Variants in CACNA2D3 observed in about 807,000 individuals in gnomAD.
The protein encoded by CACNA2D3 is voltage-dependent calcium channel subunit alpha-2/delta-3.
A neutral mutation model predicts 160.6 loss-of-function variants in CACNA2D3; 60 were observed. The observed-to-expected ratio is 0.37, with a 90% CI of 0.30 to 0.46. CACNA2D3 has a LOEUF of 0.46. Among genes scored for constraint, CACNA2D3 ranks in the 20% least tolerant of loss-of-function variants. The probability of loss-of-function intolerance (pLI) is 1.00; values close to 1 mark genes in which losing one functional copy is unlikely to be tolerated. For missense variants in CACNA2D3, 1,205 were observed against 1,365.0 expected (o/e 0.88, Z 1.85); for synonymous variants, 558 against 492.9 (o/e 1.13, Z -1.75).
rs565032704 is a variant in CACNA2D3, at chr3:54,799,857, G to A, written c.1381-16996G>A. Among the ~76,000 whole-genome samples, 39 of 152,234 alleles carry A rather than the reference G, an allele frequency of 2.6e-4. No individual in the cohort carries two copies. The East Asian group carries it at 5.8e-3, about 23-fold the overall frequency. On this transcript the variant is annotated intron_variant, in intron 13 of 37. Transcript: ENST00000474759. Reference sequence around the variant, plus strand: ...GAGCCAGGTTGACAGGAGGCTGAAAGGAAGTATCAGTACCTTCCTCTACTG... The same window carrying A: ...GAGCCAGGTTGACAGGAGGCTGAAAAGAAGTATCAGTACCTTCCTCTACTG...
At chr3:54,528,961 A>G (rs1406610088) in intron 5 of CACNA2D3, among the ~76,000 whole-genome samples, 2 of 152,206 alleles carry the variant, frequency 1.3e-5, no homozygotes, top group Non-Finnish European at 2.9e-5. Context: ...TGTGTCAGGG[A>G]GAGCAGGCCT....
intron 4 of CACNA2D3, among the ~76,000 whole-genome samples, chr3:54,483,870 T>A (rs1176045126): frequency 6.6e-6 from 1 of 152,258 alleles, no homozygotes; most frequent in Non-Finnish European, 1.5e-5. Context: ...AGACAATGTA[T>A]GATATAGGTA....
intron 3 of CACNA2D3, among the ~76,000 whole-genome samples, chr3:54,334,602 C>G (rs1704334127): frequency 6.6e-6 from 1 of 152,130 alleles, no homozygotes; most frequent in African/African-American, 2.4e-5. Context: ...GGGATTGTGA[C>G]TCTCTGGATA....
Position 54,871,553 on chromosome 3 carries a change from A to G in CACNA2D3, c.1641A>G (p.Lys547=). Residue 547 remains lysine (K), a synonymous_variant, in exon 18 of 38, where the codon AAA becomes AAG. Coordinates refer to ENST00000474759, the MANE Select transcript of CACNA2D3 (RefSeq NM_018398.3). ...CCCCTTGCTAGTACGAAGAAGGAAA[A>G]AAGCGAAGGAAACCTAACTATAGTA... ...PELRLLYEEG[K]KRRKPNYSSV... 6.2e-7 allele frequency: 1 copy of G among 1,613,348 alleles called. No homozygotes were observed. Among genetic ancestry groups the G allele is most frequent in the Non-Finnish European group, 8.5e-7 (1 of 1,179,364 alleles).
intron 5 of CACNA2D3, among the ~76,000 whole-genome samples, chr3:54,539,867 T>G (rs530955362): frequency 6.6e-5 from 10 of 152,250 alleles, no homozygotes; most frequent in African/African-American, 2.2e-4. Flanking sequence ...CCGGGTATTT[T>G]AGGACCAGTT....
intron 2 of CACNA2D3, among the ~76,000 whole-genome samples, chr3:54,252,386 G>A (rs1038993686): frequency 1.2e-4 from 19 of 152,176 alleles, no homozygotes; most frequent in African/African-American, 4.1e-4. Flanking sequence ...GATCAGTTGT[G>A]TCTCATTTCT....
At chr3:54,277,822 TC>T (rs993453180) in intron 2 of CACNA2D3, among the ~76,000 whole-genome samples, 1 of 152,184 alleles carries the variant, frequency 6.6e-6, no homozygotes, top group Non-Finnish European at 1.5e-5. Flanking sequence ...GGTTTGTAAT[TC>T]TCCTTGAAGA....
intron 27 of CACNA2D3, among the ~76,000 whole-genome samples, chr3:54,901,975 A>G (rs1456300434): frequency 6.6e-6 from 1 of 152,192 alleles, no homozygotes; most frequent in African/African-American, 2.4e-5. Flanking sequence ...AATTAAGTAG[A>G]CACTGTTTAC....
intron 13 of CACNA2D3, among the ~76,000 whole-genome samples, chr3:54,810,908 C>T (rs1274811541): frequency 6.6e-6 from 1 of 152,084 alleles, no homozygotes; most frequent in Non-Finnish European, 1.5e-5. Context: ...TTTGAAATAC[C>T]TTTATCAGGG....
chr3:54,385,003 G>A (rs1245705584), intron 3 of CACNA2D3, among the ~76,000 whole-genome samples: 1 of 152,154 alleles, frequency 6.6e-6, no homozygotes, highest in Non-Finnish European at 1.5e-5. Flanking sequence ...TTACTAGTGT[G>A]AACCCACCAT....
chr3:54,793,027 T>C (rs1276600254), intron 13 of CACNA2D3, among the ~76,000 whole-genome samples: 1 of 152,220 alleles, frequency 6.6e-6, no homozygotes, highest in Non-Finnish European at 1.5e-5. Flanking sequence ...ACTTTTCTTC[T>C]ACATCCATGG....
In CACNA2D3 at chr3:54,123,546, G is replaced by A; in HGVS notation, c.156G>A (p.Glu52=). Residue 52 remains glutamate (E), a synonymous_variant, in exon 2 of 38, where the codon GAG becomes GAA. Transcript: ENST00000474759. ...VKLWASAFGG[E]IKSIAAKYSG... ...TCTGGGCCTCGGCTTTTGGTGGGGA[G>A]ATAAAATCCATTGCTGCTAAGTACT... 1 of 1,613,880 alleles carries A rather than the reference G, an allele frequency of 6.2e-7. No individual in the cohort carries two copies. The highest frequency in any genetic ancestry group is 1.1e-5 in the South Asian group (1 of 91,072).
At chr3:54,467,944 A>G (rs1213739144) in intron 4 of CACNA2D3, among the ~76,000 whole-genome samples, 2 of 152,222 alleles carry the variant, frequency 1.3e-5, no homozygotes, top group African/African-American at 4.8e-5. Context: ...TGATTTTGTC[A>G]TTACACAGTG....
At chr3:54,644,280 A>G (rs528714862) in intron 11 of CACNA2D3, among the ~76,000 whole-genome samples, 143 of 152,238 alleles carry the variant, frequency 9.4e-4, no homozygotes, top group Middle Eastern at 3.4e-3. Flanking sequence ...AAGCAGTTTC[A>G]TCTACTTATC....
At chr3:54,346,255 C>G (rs1698456646) in intron 3 of CACNA2D3, among the ~76,000 whole-genome samples, 2 of 152,150 alleles carry the variant, frequency 1.3e-5, no homozygotes, top group African/African-American at 2.4e-5. Flanking sequence ...TCAGAGCAAC[C>G]TGGCCCACTG....
chr3:54,896,231 G>A (rs964081993), intron 25 of CACNA2D3, among the ~76,000 whole-genome samples: 24 of 152,174 alleles, frequency 1.6e-4, no homozygotes, highest in Admixed American at 9.2e-4. Context: ...TTTGTCCAGC[G>A]AGGAGGCAGG....
intron 4 of CACNA2D3, among the ~76,000 whole-genome samples, chr3:54,433,022 A>AT (rs1386937052): frequency 6.6e-6 from 1 of 152,234 alleles, no homozygotes; most frequent in African/African-American, 2.4e-5. Context: ...AGGCTAACAC[A>AT]TTTTAATCAG....
At position 54,809,304 on chromosome 3, in the gene CACNA2D3, C is replaced by T. The variant is rs553841106; in HGVS notation, c.1381-7549C>T. 6.0e-3 allele frequency among the ~76,000 whole-genome samples: 591 copies of T among 98,920 alleles called. 7 individuals are homozygous for T. Among genetic ancestry groups the T allele is most frequent in the Middle Eastern group, 0.011 (2 of 182 alleles). 64.9% of individuals were successfully genotyped at this position (98,920 alleles called of 152,430 possible). A position where few individuals can be genotyped will look rare whatever the true frequency, so the allele number is the denominator to read the frequency against. On this transcript the variant is annotated intron_variant, in intron 13 of 37. Transcript: ENST00000474759. ...TCTTCTCTCTTTCTTTCCTTCCTTC[C>T]TTCTTTCTTTTTTTTTTTTTTTTTT...
At chr3:54,698,176 G>A (rs1700699434) in intron 11 of CACNA2D3, among the ~76,000 whole-genome samples, 1 of 152,178 alleles carries the variant, frequency 6.6e-6, no homozygotes, top group African/African-American at 2.4e-5. Flanking sequence ...GCCTGTCAGT[G>A]TGGAACTAAA....
Sources: gnomAD v4.1 joint callset for allele counts (sites outside exome capture counted in the v4.1 genomes callset) on GRCh38, gnomAD v4.1.1 for gene constraint, MANE v1.5 for transcripts, NCBI Gene and HGNC (gene_info 2026-07-23, HGNC 2026-07-21) for gene names.